The following RPS6KC1 variants were observed in gnomAD, a reference collection of about 807,000 sequenced individuals.
RPS6KC1 encodes inactive ribosomal protein S6 kinase delta-1.
In RPS6KC1, 54 loss-of-function variants were observed where a neutral mutation model predicts 103.8. That is an observed-to-expected ratio of 0.52 (90% confidence interval 0.42 to 0.65). The LOEUF (loss-of-function observed/expected upper bound fraction) is 0.65, where lower values mean the gene tolerates loss of function less well. Ranked by LOEUF, RPS6KC1 falls within the 30% of genes least tolerant of loss-of-function variation. The pLI, the probability that RPS6KC1 is intolerant of heterozygous loss-of-function variation, is 0.00. For synonymous variants in RPS6KC1, 439 were observed against 438.7 expected, an observed-to-expected ratio of 1.00 and a Z score of -0.01; for missense variants, 1,151 against 1,253.8, an observed-to-expected ratio of 0.92 and a Z score of 1.24.
At chr1:213,120,085 G>A (rs565426992) in intron 5 of RPS6KC1, among the ~76,000 whole-genome samples, 1 of 152,302 alleles carries the variant, frequency 6.6e-6, no homozygotes, top group Admixed American at 6.5e-5. Context: ...TTTTAGGAAT[G>A]TGCTTTTATG....
chr1:213,578,968 T>G, the RPS6KC1 span, among the ~76,000 whole-genome samples: 11 of 152,046 alleles, frequency 7.2e-5, no homozygotes, highest in South Asian at 2.1e-4. Context: ...GATTTGGCTG[T>G]GTTCCTACAC....
At chr1:213,103,897 A>G (rs571758310) in intron 3 of RPS6KC1, among the ~76,000 whole-genome samples, 3 of 152,330 alleles carry the variant, frequency 2.0e-5, no homozygotes, top group African/African-American at 4.8e-5. Flanking sequence ...CACTGGTGCC[A>G]TATGTGTGTT....
At chr1:213,454,021 T>C in the RPS6KC1 span, among the ~76,000 whole-genome samples, 3 of 152,152 alleles carry the variant, frequency 2.0e-5, no homozygotes, top group Non-Finnish European at 2.9e-5. Context: ...ATAAAATGTA[T>C]GTAGATAATA....
At chr1:213,164,154 T>C (rs543027424) in intron 6 of RPS6KC1, among the ~76,000 whole-genome samples, 2 of 152,344 alleles carry the variant, frequency 1.3e-5, no homozygotes, top group South Asian at 4.1e-4. Context: ...TTAATTTTCT[T>C]ATAAAAGAGA....
the RPS6KC1 span, among the ~76,000 whole-genome samples, chr1:213,713,461 T>A: frequency 4.6e-5 from 7 of 152,264 alleles, no homozygotes; most frequent in Non-Finnish European, 8.8e-5. Context: ...GTACTTTTTT[T>A]AGTAAGTATT....
the RPS6KC1 span, among the ~76,000 whole-genome samples, chr1:213,637,379 C>G: frequency 8.1e-6 from 1 of 122,758 alleles, no homozygotes; most frequent in Non-Finnish European, 1.6e-5. Flanking sequence ...AAATGTCCAT[C>G]AATGATAGAC....
chr1:213,443,719 C>T, the RPS6KC1 span, among the ~76,000 whole-genome samples: 2 of 151,984 alleles, frequency 1.3e-5, no homozygotes, highest in African/African-American at 2.4e-5. Context: ...AGTTTGCAAC[C>T]AGCCTGGGCA....
At chr1:213,204,855 C>T (rs1389929030) in intron 8 of RPS6KC1, among the ~76,000 whole-genome samples, 2 of 152,000 alleles carry the variant, frequency 1.3e-5, no homozygotes, top group African/African-American at 4.8e-5. Flanking sequence ...TCTCAGTCTC[C>T]TGGGCTCAAG....
the RPS6KC1 span, among the ~76,000 whole-genome samples, chr1:213,742,822 G>A: frequency 6.6e-6 from 1 of 152,208 alleles, no homozygotes; most frequent in Admixed American, 6.5e-5. Context: ...AGAGAAATGA[G>A]GATTCTCCAT....
the RPS6KC1 span, among the ~76,000 whole-genome samples, chr1:213,836,658 A>G: frequency 6.6e-6 from 1 of 152,206 alleles, no homozygotes; most frequent in Non-Finnish European, 1.5e-5. Context: ...ATATAGAAAT[A>G]TACATATATT....
the RPS6KC1 span, among the ~76,000 whole-genome samples, chr1:213,328,954 A>G: frequency 1.3e-5 from 2 of 152,282 alleles, no homozygotes; most frequent in East Asian, 1.9e-4. Context: ...CATGTTATAC[A>G]GATCAAGATT....
At chr1:213,139,889 A>G (rs1272442903) in intron 6 of RPS6KC1, among the ~76,000 whole-genome samples, 1 of 152,018 alleles carries the variant, frequency 6.6e-6, no homozygotes, top group Non-Finnish European at 1.5e-5. Context: ...AAATGTCATT[A>G]ATAGTTTGAT....
At chr1:213,123,660 T>C (rs942117936) in intron 5 of RPS6KC1, among the ~76,000 whole-genome samples, 2 of 152,218 alleles carry the variant, frequency 1.3e-5, no homozygotes, top group Non-Finnish European at 2.9e-5. Context: ...TAATGGAAAC[T>C]GGTATGTATG....
chr1:213,747,521 T>C, the RPS6KC1 span, among the ~76,000 whole-genome samples: 1 of 152,238 alleles, frequency 6.6e-6, no homozygotes, highest in African/African-American at 2.4e-5. Context: ...GTTTCTGTTT[T>C]CTTTGGCTTG....
the RPS6KC1 span, among the ~76,000 whole-genome samples, chr1:213,550,426 A>G: frequency 4.6e-5 from 7 of 152,150 alleles, no homozygotes; most frequent in Non-Finnish European, 7.3e-5. Context: ...ACTAAAGGAC[A>G]TTAATTGAGA....
At chr1:213,829,268 C>A in the RPS6KC1 span, among the ~76,000 whole-genome samples, 2,027 of 114,040 alleles carry the variant, frequency 0.018, no homozygotes, top group South Asian at 0.029. Context: ...TCGTTTGTTT[C>A]AAAAAAAAAA....
chr1:213,281,215 CAT>C, the RPS6KC1 span, among the ~76,000 whole-genome samples: 1 of 152,244 alleles, frequency 6.6e-6, no homozygotes, highest in Non-Finnish European at 1.5e-5. Context: ...CTTTTCACCA[CAT>C]AGTCTGTCTC....
chr1:213,419,008 T>C, the RPS6KC1 span, among the ~76,000 whole-genome samples: 5 of 152,192 alleles, frequency 3.3e-5, no homozygotes, highest in South Asian at 1.0e-3. Flanking sequence ...GAGCCCAAGC[T>C]CCCAGTTCCC....
the RPS6KC1 span, among the ~76,000 whole-genome samples, chr1:213,321,561 C>T: frequency 1.3e-5 from 2 of 151,212 alleles, 1 homozygote; most frequent in South Asian, 4.2e-4. Flanking sequence ...AGAGAGTGAT[C>T]CTTTATTAAT....
Sources: allele counts gnomAD v4.1 joint callset (sites outside exome capture counted in the v4.1 genomes callset), GRCh38; gene constraint gnomAD v4.1.1; transcripts MANE v1.5; gene names NCBI Gene and HGNC (gene_info 2026-07-23, HGNC 2026-07-21).